The following FAAH2 variants were observed in gnomAD, a reference collection of about 807,000 sequenced individuals.
The protein encoded by FAAH2 is fatty-acid amide hydrolase 2.
A neutral mutation model predicts 36.9 loss-of-function variants in FAAH2; 60 were observed. The ratio of observed to expected loss-of-function variants is 1.63; its 90% CI spans 1.32 to 2.02. The LOEUF (loss-of-function observed/expected upper bound fraction) is 2.02. Ranked by LOEUF, FAAH2 falls within the 30% of genes most tolerant of loss-of-function variation. The pLI, the probability that FAAH2 is intolerant of heterozygous loss-of-function variation, is 0.00. For synonymous variants in FAAH2, 214 were observed against 143.8 expected (o/e 1.49, Z -3.49); for missense variants, 689 against 397.5 (o/e 1.73, Z -6.23).
chrX:57,436,227 G>C (rs1474378621), intron 8 of FAAH2, among the ~76,000 whole-genome samples: 1 of 110,440 alleles, frequency 9.1e-6, no homozygotes, highest in Non-Finnish European at 1.9e-5. Context: ...GTTCCCAAAG[G>C]GATGTTCATA....
At chrX:57,233,429 C>A in the FAAH2 span, among the ~76,000 whole-genome samples, 1 of 111,117 alleles carries the variant, frequency 9.0e-6, no homozygotes, top group Non-Finnish European at 1.9e-5. Flanking sequence ...AATACAGAAT[C>A]AAACTATTTT....
intron 7 of FAAH2, among the ~76,000 whole-genome samples, chrX:57,392,255 A>G (rs2055183776): frequency 9.0e-6 from 1 of 111,584 alleles, no homozygotes; most frequent in South Asian, 3.8e-4. Context: ...AGCAGAGATA[A>G]CATGACTACT....
chrX:57,481,268 C>A (rs1042132014), intron 10 of FAAH2, among the ~76,000 whole-genome samples: 9 of 111,100 alleles, frequency 8.1e-5, no homozygotes, highest in Non-Finnish European at 1.3e-4. Flanking sequence ...ATTCTCTATC[C>A]AGTTTTGTGC....
In FAAH2 at chrX:57,302,483, C is replaced by A. The variant is rs188265929; in HGVS notation, c.276-8110C>A. 2.7e-5 allele frequency among the ~76,000 whole-genome samples: 3 copies of A among 111,303 alleles called. No individual in the cohort carries two copies. The East Asian group carries it at 8.5e-4, about 32-fold the overall frequency. The stretch of plus-strand genomic sequence containing the variant: ...TCAGCTCCCAGTCTGGTGGTTGAAG[C>A]ATGAGAATAACCATTATTTACAGCA... On this transcript the variant is annotated intron_variant, in intron 2 of 10. Transcript: ENST00000374900.
rs927288695 is a variant in FAAH2, at chrX:57,485,568, G to A, written c.1424-3189G>A. On this transcript the variant is annotated intron_variant, in intron 10 of 10. Coordinates refer to ENST00000374900, the MANE Select transcript of FAAH2 (RefSeq NM_174912.4). The stretch of plus-strand genomic sequence containing the variant: ...GGGAAGGAGGGATGGCATAACTTCT[G>A]TTACTTAAACATTGGTTATTTTGAT... Among the ~76,000 whole-genome samples the A allele has an allele frequency of 2.7e-5, 3 of 111,914 alleles. No homozygotes were observed. In the East Asian group the frequency reaches 8.4e-4, roughly 31 times the overall value.
At chrX:57,464,272 G>A (rs1569362906) in intron 10 of FAAH2, among the ~76,000 whole-genome samples, 1 of 110,713 alleles carries the variant, frequency 9.0e-6, no homozygotes, top group Non-Finnish European at 1.9e-5. Context: ...TGGGGGAAAG[G>A]GGAGCAAGAG....
chrX:57,250,808 T>C, the FAAH2 span, among the ~76,000 whole-genome samples: 199 of 109,329 alleles, frequency 1.8e-3, no homozygotes, highest in Non-Finnish European at 3.3e-3. Context: ...GACTGAATCA[T>C]GAAGAAATAG....
At chrX:57,373,934 T>C (rs1454896237) in intron 5 of FAAH2, among the ~76,000 whole-genome samples, 2 of 111,683 alleles carry the variant, frequency 1.8e-5, no homozygotes, top group Non-Finnish European at 3.8e-5. Flanking sequence ...TTATCCTAGA[T>C]GTGGTTAGCC....
intron 3 of FAAH2, 90 bp from the exon 4 acceptor site, chrX:57,331,508 G>A: frequency 1.4e-6 from 1 of 729,535 alleles, no homozygotes; most frequent in Admixed American, 3.0e-5. Flanking sequence ...GTTCCTTCTG[G>A]CTACATCTAG....
At chrX:57,481,910 G>C (rs1333667268) in intron 10 of FAAH2, among the ~76,000 whole-genome samples, 1 of 111,882 alleles carries the variant, frequency 8.9e-6, no homozygotes, top group East Asian at 2.8e-4. Flanking sequence ...TTGTCTGTAA[G>C]CACCCGACTG....
intron 7 of FAAH2, among the ~76,000 whole-genome samples, chrX:57,385,885 G>A (rs191266492): frequency 0.03 from 2,826 of 95,011 alleles, 95 homozygotes; most frequent in African/African-American, 0.1. Flanking sequence ...TCCAGCCTGG[G>A]CGACAGAGTG....
the FAAH2 span, among the ~76,000 whole-genome samples, chrX:57,232,337 G>T: frequency 9.0e-6 from 1 of 111,695 alleles, no homozygotes; most frequent in South Asian, 3.7e-4. Context: ...AATGGTGAGG[G>T]AGAGGGCTGA....
At chrX:57,273,385 T>G in the FAAH2 span, among the ~76,000 whole-genome samples, 6 of 111,617 alleles carry the variant, frequency 5.4e-5, no homozygotes, top group Non-Finnish European at 7.5e-5. Context: ...ATTCAAGACT[T>G]GAACTCAGCT....
At chrX:57,148,124 T>TCTGTTTTGGTAACAGTACCATG in the FAAH2 span, among the ~76,000 whole-genome samples, 1,399 of 110,426 alleles carry the variant, frequency 0.013, 49 homozygotes, top group African/African-American at 0.045. Context: ...GGTCTATATC[T>TCTGTTTTGGTAACAGTACCATG]CTGTTTTGGT....
At chrX:57,214,434 T>A in the FAAH2 span, among the ~76,000 whole-genome samples, 2 of 111,595 alleles carry the variant, frequency 1.8e-5, no homozygotes, top group Non-Finnish European at 3.8e-5. Flanking sequence ...TTATTTATTT[T>A]TTTTCTTTTT....
At chrX:57,259,367 G>C in the FAAH2 span, among the ~76,000 whole-genome samples, 1 of 111,677 alleles carries the variant, frequency 9.0e-6, no homozygotes, top group African/African-American at 3.3e-5. Context: ...TCAGTTGATG[G>C]ATAAATAAAT....
At chrX:57,219,003 C>T in the FAAH2 span, among the ~76,000 whole-genome samples, 1 of 111,976 alleles carries the variant, frequency 8.9e-6, no homozygotes, top group Non-Finnish European at 1.9e-5. Flanking sequence ...TCCCAAGGCG[C>T]AAGGCCACTT....
chrX:57,143,322 C>T, the FAAH2 span, among the ~76,000 whole-genome samples: 5 of 110,451 alleles, frequency 4.5e-5, no homozygotes, highest in Non-Finnish European at 7.6e-5. Flanking sequence ...ACTATTCTAA[C>T]GAATTGCTTT....
intron 10 of FAAH2, among the ~76,000 whole-genome samples, chrX:57,471,413 T>C (rs2057163168): frequency 8.9e-6 from 1 of 111,999 alleles, no homozygotes; most frequent in South Asian, 3.7e-4. Flanking sequence ...GGATACAACA[T>C]CAATGTGCAA....
Sources: gnomAD v4.1 joint callset for allele counts (sites outside exome capture counted in the v4.1 genomes callset) on GRCh38, gnomAD v4.1.1 for gene constraint, MANE v1.5 for transcripts, NCBI Gene and HGNC (gene_info 2026-07-23, HGNC 2026-07-21) for gene names.